The following BPI variants were observed in gnomAD, a reference collection of about 807,000 sequenced individuals.
The protein encoded by BPI is bactericidal permeability increasing protein, also known as bactericidal permeability-increasing protein.
BPI carries 48 observed loss-of-function variants against 57.6 expected under a neutral mutation model. The ratio of observed to expected loss-of-function variants is 0.83; its 90% CI spans 0.66 to 1.06. BPI has a LOEUF of 1.06. BPI is among the 50% of genes least tolerant of loss of function. BPI has a pLI of 0.00. For missense variants in BPI, 651 were observed against 609.7 expected (o/e 1.07, Z -0.71); for synonymous variants, 237 against 238.2 (o/e 0.99, Z 0.05).
chr20:38,331,235 C>T (rs925706667), intron 12 of BPI, 145 bp downstream of exon 12: 73 of 1,031,310 alleles, frequency 7.1e-5, no homozygotes, highest in Middle Eastern at 2.5e-4. Context: ...CAAGGAGCTT[C>T]GTGGGCAGAG....
rs2076704275 is a variant in BPI, at chr20:38,324,851, T to C, written c.993+18T>C. 1.2e-6 allele frequency: 2 copies of C among 1,602,038 alleles called. No individual in the cohort carries two copies. The highest frequency in any genetic ancestry group is 1.7e-5 in the Admixed American group (1 of 59,988). On this transcript the variant is annotated intron_variant, in intron 9 of 14. Coordinates refer to ENST00000642449, the MANE Select transcript of BPI (RefSeq NM_001725.3). Reference sequence around the variant, plus strand: ...TACCTGAGGTATGGAAGACCTTGCTTTCCTTTAGTGAGCCCCGGGGGTTCT... The same window carrying C: ...TACCTGAGGTATGGAAGACCTTGCTCTCCTTTAGTGAGCCCCGGGGGTTCT...
intron 13 of BPI, among the ~76,000 whole-genome samples, 196 bp downstream of exon 13, chr20:38,334,689 G>T (rs1394392722): frequency 6.6e-6 from 1 of 152,192 alleles, no homozygotes; most frequent in Non-Finnish European, 1.5e-5. Context: ...CTACACATGG[G>T]TTGATTCATT....
At chr20:38,329,910 C>T (rs1039219940) in intron 11 of BPI, among the ~76,000 whole-genome samples, 2 of 151,882 alleles carry the variant, frequency 1.3e-5, no homozygotes, top group Admixed American at 6.6e-5. Flanking sequence ...ACATGGTTTC[C>T]CATGTTGGCC....
chr20:38,308,888 G>C lies in BPI; in HGVS notation c.246-42G>C, dbSNP rs750582767. The stretch of plus-strand genomic sequence containing the variant: ...ACGAAGTCCTCATGTGTGCACCTAG[G>C]AGTATATGAAATTATATGACATTCA... On this transcript the variant is annotated intron_variant, in intron 2 of 14. Coordinates refer to ENST00000642449, the MANE Select transcript of BPI (RefSeq NM_001725.3). 4.3e-6 allele frequency: 7 copies of C among 1,612,554 alleles called. No individual in the cohort carries two copies. The Admixed American group carries it at 1.0e-4, about 23-fold the overall frequency.
chr20:38,307,128 G>A (rs2076600558), intron 1 of BPI, among the ~76,000 whole-genome samples: 1 of 152,118 alleles, frequency 6.6e-6, no homozygotes, highest in African/African-American at 2.4e-5. Flanking sequence ...AAGTGCAGCG[G>A]GTCGAGGTTG....
At chr20:38,327,558 G>A in intron 10 of BPI, 30 bp from the exon 11 acceptor site, 4 of 1,611,304 alleles carry the variant, frequency 2.5e-6, no homozygotes, top group Non-Finnish European at 3.4e-6. Context: ...CTGGGTCAGG[G>A]CACTTCACCC....
chr20:38,304,479 C>A, intron 1 of BPI, 126 bp downstream of exon 1: 1 of 1,312,614 alleles, frequency 7.6e-7, no homozygotes, highest in Non-Finnish European at 1.0e-6. Context: ...TCCCCTTGCC[C>A]CCATTTTATA....
chr20:38,320,978 G>A (rs868797990), intron 7 of BPI, among the ~76,000 whole-genome samples: 4 of 14,502 alleles, frequency 2.8e-4, no homozygotes, highest in South Asian at 3.2e-3. Flanking sequence ...GGATGGATGG[G>A]TGGGTGGGTA....
intron 1 of BPI, among the ~76,000 whole-genome samples, chr20:38,307,348 C>T (rs901699486): frequency 1.3e-5 from 2 of 152,178 alleles, no homozygotes; most frequent in Admixed American, 6.5e-5. Flanking sequence ...GCAGTAATGG[C>T]AGAGCTGAGT....
intron 11 of BPI, among the ~76,000 whole-genome samples, chr20:38,330,523 G>A (rs1012369709): frequency 3.3e-5 from 5 of 152,150 alleles, no homozygotes; most frequent in Admixed American, 2.6e-4. Flanking sequence ...TCAGGTAACT[G>A]AAAAATCCAA....
At chr20:38,322,758 G>A (rs561821551) in intron 7 of BPI, among the ~76,000 whole-genome samples, 60 of 152,220 alleles carry the variant, frequency 3.9e-4, no homozygotes, top group Middle Eastern at 3.4e-3. Context: ...ACAGGCTCCC[G>A]CCACCACGCC....
chr20:38,327,098 G>A (rs548795360), intron 10 of BPI, among the ~76,000 whole-genome samples: 1 of 152,174 alleles, frequency 6.6e-6, no homozygotes, highest in Non-Finnish European at 1.5e-5. Flanking sequence ...GCCACTGAGG[G>A]TGTGGTTCAG....
chr20:38,318,604 T>C, intron 6 of BPI, 128 bp downstream of exon 6: 1 of 976,678 alleles, frequency 1.0e-6, no homozygotes, highest in Non-Finnish European at 1.6e-6. Flanking sequence ...ATGAGCAGAG[T>C]AGTACATTAT....
chr20:38,322,366 A>G (rs1312544040), intron 7 of BPI, among the ~76,000 whole-genome samples: 1 of 152,228 alleles, frequency 6.6e-6, no homozygotes, highest in Non-Finnish European at 1.5e-5. Context: ...ACAATAAGTA[A>G]TTATCCTCAG....
At chr20:38,327,566 C>A in intron 10 of BPI, 22 bp from the exon 11 acceptor site, 1 of 1,612,116 alleles carries the variant, frequency 6.2e-7, no homozygotes, top group Non-Finnish European at 8.5e-7. Flanking sequence ...GGGCACTTCA[C>A]CCTGGGTTGT....
At chr20:38,309,307 C>A (rs2076611145) in intron 3 of BPI, among the ~76,000 whole-genome samples, 1 of 152,244 alleles carries the variant, frequency 6.6e-6, no homozygotes, top group Non-Finnish European at 1.5e-5. Context: ...GGGTGGAAAT[C>A]TAAGTGGAAC....
intron 10 of BPI, chr20:38,326,679 C>T (rs373698111): frequency 1.8e-4 from 83 of 449,756 alleles, no homozygotes; most frequent in African/African-American, 1.6e-3. Context: ...CTCATTCATT[C>T]AATTATTCAT....
intron 10 of BPI, 116 bp downstream of exon 10, chr20:38,326,548 C>A: frequency 7.8e-7 from 1 of 1,276,536 alleles, no homozygotes; most frequent in Non-Finnish European, 1.0e-6. Flanking sequence ...CTGTGTCACT[C>A]CGGAGCCTGA....
At chr20:38,331,916 G>C (rs558978482) in intron 12 of BPI, among the ~76,000 whole-genome samples, 1 of 152,144 alleles carries the variant, frequency 6.6e-6, no homozygotes, top group Non-Finnish European at 1.5e-5. Flanking sequence ...AGCGGGGATG[G>C]GCGGAAAGTG....
Sources: allele counts gnomAD v4.1 joint callset (sites outside exome capture counted in the v4.1 genomes callset), GRCh38; gene constraint gnomAD v4.1.1; transcripts MANE v1.5; gene names NCBI Gene and HGNC (gene_info 2026-07-23, HGNC 2026-07-21).